ZSWIM5: variants seen among roughly 807,000 people sequenced by gnomAD.
The protein encoded by ZSWIM5 is zinc finger SWIM-type containing 5, also known as zinc finger SWIM domain-containing protein 5.
Under a neutral mutation model 119.6 loss-of-function variants are expected in ZSWIM5, and 55 were observed. The observed-to-expected ratio is 0.46, with a 90% CI of 0.37 to 0.58. ZSWIM5 has a LOEUF of 0.58. ZSWIM5 is among the 20% of genes least tolerant of loss of function. ZSWIM5 has a pLI of 0.00. For synonymous variants in ZSWIM5, 537 were observed against 606.9 expected (o/e 0.88, Z 1.69); for missense variants, 1,193 against 1,512.8 (o/e 0.79, Z 3.51).
At chr1:45,186,384 TA>T (rs1646058809) in intron 1 of ZSWIM5, among the ~76,000 whole-genome samples, 1 of 149,484 alleles carries the variant, frequency 6.7e-6, no homozygotes, top group Non-Finnish European at 1.5e-5. Context: ...ACATGTACCC[TA>T]AAACTTAAAG....
intron 1 of ZSWIM5, among the ~76,000 whole-genome samples, chr1:45,197,254 G>C (rs1380327362): frequency 1.3e-5 from 2 of 152,132 alleles, no homozygotes; most frequent in African/African-American, 4.8e-5. Flanking sequence ...CTGTTCTGTG[G>C]AATAGTCTCT....
chr1:45,054,442 C>T (rs938382393), intron 4 of ZSWIM5, among the ~76,000 whole-genome samples: 2 of 150,792 alleles, frequency 1.3e-5, no homozygotes, highest in Admixed American at 6.6e-5. Context: ...ATTAGCCGGG[C>T]GTGGTGGTGC....
chr1:45,140,386 T>C (rs1645719526), intron 1 of ZSWIM5, among the ~76,000 whole-genome samples: 1 of 152,206 alleles, frequency 6.6e-6, no homozygotes, highest in Non-Finnish European at 1.5e-5. Flanking sequence ...TAGAAAAAGT[T>C]TGCTGACCTC....
intron 11 of ZSWIM5, among the ~76,000 whole-genome samples, chr1:45,025,852 G>A (rs1445747068): frequency 1.3e-5 from 2 of 152,002 alleles, no homozygotes; most frequent in Non-Finnish European, 2.9e-5. Context: ...GGGTTTATTG[G>A]GACATAACCC....
In ZSWIM5 at chr1:45,206,184, G is replaced by A; in HGVS notation, c.167C>T (p.Ala56Val). The A allele has an allele frequency of 1.2e-6, 2 of 1,604,878 alleles. No individual in the cohort carries two copies. Among genetic ancestry groups the A allele is most frequent in the South Asian group, 1.1e-5 (1 of 89,948 alleles). ...GGAATCCGGCTGCAGGTGGGGGCGG[G>A]CCCCGAGGACCAGGCAGCTGCTGCC... ...GVGSSCLVLG[A>V]RPHLQPDSLL... is the part of the protein sequence containing the mutation. Residue 56 changes from alanine to valine, a missense_variant, in exon 1 of 14, where the codon GCC becomes GTC. Coordinates refer to ENST00000359600, the MANE Select transcript of ZSWIM5 (RefSeq NM_020883.2).
chr1:45,061,367 G>T, intron 2 of ZSWIM5, among the ~76,000 whole-genome samples: 1 of 142,980 alleles, frequency 7.0e-6, no homozygotes. Flanking sequence ...TTTAATCTAT[G>T]CATACTTTTT....
chr1:45,139,173 C>T (rs1339276356), intron 1 of ZSWIM5, among the ~76,000 whole-genome samples: 5 of 151,704 alleles, frequency 3.3e-5, no homozygotes, highest in Non-Finnish European at 7.4e-5. Flanking sequence ...TGAGCCACCA[C>T]ACCGGCCCTT....
intron 1 of ZSWIM5, among the ~76,000 whole-genome samples, chr1:45,110,343 T>C (rs1383913957): frequency 6.6e-6 from 1 of 151,130 alleles, no homozygotes; most frequent in Non-Finnish European, 1.5e-5. Flanking sequence ...ACTGGGGGAG[T>C]CTGTAGGATA....
rs1475954014 is a variant in ZSWIM5 at position 45,164,393 on chromosome 1, T to C, written c.595+41363A>G. On this transcript the variant is annotated intron_variant, in intron 1 of 13. Transcript: ENST00000359600. Reference sequence around the variant, plus strand: ...GACAAATTGTAAAAACCATTGATGCTAGGAAGAAACTACATCAACCAACAA... The same window carrying C: ...GACAAATTGTAAAAACCATTGATGCCAGGAAGAAACTACATCAACCAACAA... 3.9e-5 allele frequency among the ~76,000 whole-genome samples: 6 copies of C among 152,170 alleles called. No individual in the cohort carries two copies. In the South Asian group the frequency reaches 1.0e-3, roughly 26 times the overall value.
chr1:45,196,058 T>TTA (rs1553203207), intron 1 of ZSWIM5, among the ~76,000 whole-genome samples: 2 of 145,882 alleles, frequency 1.4e-5, no homozygotes, highest in Admixed American at 6.9e-5. Flanking sequence ...TTTTTTTTTT[T>TTA]AAAGATGAGG....
chr1:45,165,623 G>A lies in ZSWIM5; in HGVS notation c.595+40133C>T, dbSNP rs141036077. Among the ~76,000 whole-genome samples, 1,288 of 152,138 alleles carry A rather than the reference G, an allele frequency of 8.5e-3. 19 individuals carry two copies. Among genetic ancestry groups the A allele is most frequent in the African/African-American group, 0.028 (1,154 of 41,528 alleles). On this transcript the variant is annotated intron_variant, in intron 1 of 13. Transcript: ENST00000359600. ...GAATCAAATAGATGCAATAAAAAAT[G>A]ATAAAGGGGTTATCACCACCGATCC... is the stretch of plus-strand genomic sequence containing the variant.
chr1:45,038,809 T>C, intron 8 of ZSWIM5, 127 bp downstream of exon 8: 1 of 1,112,554 alleles, frequency 9.0e-7, no homozygotes, highest in Non-Finnish European at 1.3e-6. Context: ...TTGCCCAGGC[T>C]GGTCTTGAAC....
chr1:45,044,215 A>AG (rs1570016071), intron 5 of ZSWIM5, among the ~76,000 whole-genome samples: 1 of 149,644 alleles, frequency 6.7e-6, no homozygotes, highest in Non-Finnish European at 1.5e-5. Flanking sequence ...AGAGAGAGAG[A>AG]AAGAGCTGAA....
chr1:45,169,703 C>T (rs1215079523), intron 1 of ZSWIM5, among the ~76,000 whole-genome samples: 1 of 152,014 alleles, frequency 6.6e-6, no homozygotes, highest in East Asian at 1.9e-4. Context: ...CTCAGCAATA[C>T]AAGCTTAATA....
Position 45,019,275 on chromosome 1 carries a change from G to T in ZSWIM5, c.2737C>A (p.Leu913Ile). 1 of 1,613,634 alleles carries T rather than the reference G, an allele frequency of 6.2e-7. No homozygotes were observed. The highest frequency in any genetic ancestry group is 8.5e-7 in the Non-Finnish European group (1 of 1,180,018). The part of the protein sequence containing the change: ...LVSILQSWYT[L>I]FTPTEATSIV... ...CTAGTAGCCTCAGTAGGGGTGAAGA[G>T]TGTGTACCAGCTCTGCAAGATGCTC... is the stretch of plus-strand genomic sequence containing the variant. The change falls in exon 14 of 14, where the codon CTC (leucine) becomes ATC (isoleucine). Residue 913 changes from leucine (L) to isoleucine (I), a missense_variant. Transcript: ENST00000359600. This position sits in a 1 kb window ranked among gnomAD's most constrained non-coding sequence, Gnocchi z 5.0.
intron 5 of ZSWIM5, among the ~76,000 whole-genome samples, chr1:45,048,752 T>C (rs1645071912): frequency 6.6e-6 from 1 of 152,112 alleles, no homozygotes; most frequent in Non-Finnish European, 1.5e-5. Flanking sequence ...ATGAGACTAC[T>C]GGAAAAGAGG....
chr1:45,165,516 A>G (rs1645895881), intron 1 of ZSWIM5, among the ~76,000 whole-genome samples: 1 of 152,126 alleles, frequency 6.6e-6, no homozygotes, highest in African/African-American at 2.4e-5. Flanking sequence ...CAAAAAATCA[A>G]TGAATCCAGG....
At position 45,017,090 on chromosome 1, in the gene ZSWIM5, C is replaced by T. The variant is rs1358511763; in HGVS notation, c.*1364G>A. 1.3e-5 allele frequency: 2 copies of T among 152,194 alleles called. No individual in the cohort carries two copies. Among genetic ancestry groups the T allele is most frequent in the African/African-American group, 4.8e-5 (2 of 41,416 alleles). 9.4% of individuals were successfully genotyped at this position (152,194 alleles called of 1,614,324 possible). ...ATCTGATGGCAGAGGGAGATTGGTG[C>T]TTAGAAGCTTGTTTGGTGAGAGAAT... On this transcript the variant is annotated 3_prime_UTR_variant, in exon 14 of 14. Coordinates refer to ENST00000359600, the MANE Select transcript of ZSWIM5 (RefSeq NM_020883.2).
chr1:45,146,306 T>C (rs1418472762), intron 1 of ZSWIM5, among the ~76,000 whole-genome samples: 1 of 151,890 alleles, frequency 6.6e-6, no homozygotes, highest in Non-Finnish European at 1.5e-5. Context: ...CTTATAACTA[T>C]TCGTTTATAC....
Sources: allele counts gnomAD v4.1 joint callset (sites outside exome capture counted in the v4.1 genomes callset), GRCh38; gene constraint gnomAD v4.1.1; non-coding constraint Gnocchi (gnomAD v3.1); transcripts MANE v1.5; gene names NCBI Gene and HGNC (gene_info 2026-07-23, HGNC 2026-07-21).